The following TAS2R1 variants were observed in gnomAD, a reference collection of about 807,000 sequenced individuals.
TAS2R1 encodes the protein taste receptor type 2 member 1.
For synonymous variants in TAS2R1, 141 were observed against 134.2 expected (o/e 1.05, Z -0.35); for missense variants, 370 against 353.4 (o/e 1.05, Z -0.38).
At chr5:9,902,249 T>C in the TAS2R1 span, among the ~76,000 whole-genome samples, 41 of 152,224 alleles carry the variant, frequency 2.7e-4, no homozygotes, top group East Asian at 5.6e-3. Flanking sequence ...TTTAACAGTA[T>C]GCTATTGAGG....
chr5:9,853,283 C>T, the TAS2R1 span, among the ~76,000 whole-genome samples: 29 of 152,294 alleles, frequency 1.9e-4, no homozygotes, highest in East Asian at 5.4e-3. Context: ...TGACTGCTCC[C>T]GCAGAGCAGG....
the TAS2R1 span, among the ~76,000 whole-genome samples, chr5:9,719,491 C>T: frequency 6.6e-6 from 1 of 152,222 alleles, no homozygotes; most frequent in African/African-American, 2.4e-5. Context: ...AAGCCTGGGT[C>T]TCCACTCTTC....
At chr5:9,767,165 GTTCCT>G in the TAS2R1 span, among the ~76,000 whole-genome samples, 1 of 151,736 alleles carries the variant, frequency 6.6e-6, no homozygotes. Flanking sequence ...CTCCAAATTT[GTTCCT>G]TTCATCGTTC....
the TAS2R1 span, among the ~76,000 whole-genome samples, chr5:9,816,230 A>T: frequency 6.6e-6 from 1 of 152,214 alleles, no homozygotes; most frequent in African/African-American, 2.4e-5. Flanking sequence ...CAACATGATC[A>T]AATATGAACA....
rs184107327 is a variant in TAS2R1 at position 9,696,065 on chromosome 5, T to A, written c.-242+16107A>T. Among the ~76,000 whole-genome samples the A allele has an allele frequency of 6.9e-3, 1,044 of 152,256 alleles. 10 individuals carry two copies. Among genetic ancestry groups the A allele is most frequent in the African/African-American group, 0.024 (991 of 41,546 alleles). On this transcript the variant is annotated intron_variant, in intron 1 of 2. Coordinates refer to the TAS2R1 transcript ENST00000506620. ...ATAACCTGTTTGGAAAGTTTCAGATTGTATAACAAAGCCAGAGGGAGAGTA... is the reference window on the plus strand; with the variant it reads ...ATAACCTGTTTGGAAAGTTTCAGATAGTATAACAAAGCCAGAGGGAGAGTA...
chr5:9,776,664 C>T, the TAS2R1 span, among the ~76,000 whole-genome samples: 2 of 152,166 alleles, frequency 1.3e-5, no homozygotes, highest in Admixed American at 6.6e-5. Flanking sequence ...ATGACTATTT[C>T]ACCTGACTTT....
the TAS2R1 span, among the ~76,000 whole-genome samples, chr5:9,774,987 C>T: frequency 6.6e-6 from 1 of 152,340 alleles, no homozygotes; most frequent in South Asian, 2.1e-4. Context: ...GCTGCAAAAG[C>T]AAGCTTAGGC....
the TAS2R1 span, among the ~76,000 whole-genome samples, chr5:9,722,811 T>C: frequency 6.6e-6 from 1 of 152,338 alleles, no homozygotes. Flanking sequence ...GGCTGAATAA[T>C]TGGGCTTGGA....
chr5:9,873,053 G>C, the TAS2R1 span, among the ~76,000 whole-genome samples: 1 of 152,172 alleles, frequency 6.6e-6, no homozygotes, highest in African/African-American at 2.4e-5. Context: ...TGGTGAGGGA[G>C]AGCTATTTTG....
upstream of TAS2R1, among the ~76,000 whole-genome samples, chr5:9,716,010 T>A (rs1294022636): frequency 1.3e-5 from 2 of 152,230 alleles, no homozygotes; most frequent in African/African-American, 4.8e-5. Context: ...TACTGCCAAT[T>A]ACCAAGGCGT....
At chr5:9,769,625 T>C in the TAS2R1 span, among the ~76,000 whole-genome samples, 3 of 152,208 alleles carry the variant, frequency 2.0e-5, no homozygotes, top group Non-Finnish European at 4.4e-5. Flanking sequence ...TAAGATAATA[T>C]CTCATTATAG....
chr5:9,743,680 A>G, the TAS2R1 span, among the ~76,000 whole-genome samples: 1 of 152,182 alleles, frequency 6.6e-6, no homozygotes, highest in African/African-American at 2.4e-5. Context: ...ATGGTACCTA[A>G]GCAATGTCAC....
At chr5:9,816,175 C>G in the TAS2R1 span, among the ~76,000 whole-genome samples, 1 of 152,104 alleles carries the variant, frequency 6.6e-6, no homozygotes, top group African/African-American at 2.4e-5. Context: ...CACAGTTTAT[C>G]AACTGTCAGC....
At chr5:9,849,982 T>G in the TAS2R1 span, among the ~76,000 whole-genome samples, 1 of 152,200 alleles carries the variant, frequency 6.6e-6, no homozygotes, top group African/African-American at 2.4e-5. Context: ...CATCTCCTCT[T>G]TCATTTATCT....
upstream of TAS2R1, among the ~76,000 whole-genome samples, chr5:9,715,065 C>A (rs1734775894): frequency 6.6e-6 from 1 of 152,068 alleles, no homozygotes; most frequent in African/African-American, 2.4e-5. Context: ...AAAGGGGACT[C>A]CAGGAAGATA....
the TAS2R1 span, among the ~76,000 whole-genome samples, chr5:9,893,688 A>G: frequency 0.094 from 14,381 of 152,216 alleles, 679 homozygotes; most frequent in African/African-American, 0.099. Flanking sequence ...CCCCTCAGAG[A>G]GAAGGACTTC....
chr5:9,725,523 C>T, the TAS2R1 span, among the ~76,000 whole-genome samples: 4 of 152,202 alleles, frequency 2.6e-5, no homozygotes, highest in Admixed American at 6.5e-5. Context: ...GCGCTGCGCT[C>T]GATTTCTCGC....
At chr5:9,756,468 G>A in the TAS2R1 span, among the ~76,000 whole-genome samples, 6 of 152,172 alleles carry the variant, frequency 3.9e-5, no homozygotes, top group African/African-American at 1.2e-4. Context: ...AAATACTCAT[G>A]TTCATATTCA....
At chr5:9,649,516 C>T (rs1047121630) in intron 2 of TAS2R1, among the ~76,000 whole-genome samples, 2 of 152,270 alleles carry the variant, frequency 1.3e-5, no homozygotes, top group African/African-American at 4.8e-5. Flanking sequence ...TTTCCTACAA[C>T]CTCTTTGGAA....
Sources: gnomAD v4.1 joint callset for allele counts (sites outside exome capture counted in the v4.1 genomes callset) on GRCh38, gnomAD v4.1.1 for gene constraint, MANE v1.5 for transcripts, NCBI Gene and HGNC (gene_info 2026-07-23, HGNC 2026-07-21) for gene names.